The following NPHP4 variants were observed in gnomAD, a reference collection of about 807,000 sequenced individuals.
NPHP4 encodes the protein nephrocystin-4.
NPHP4 carries 151 observed loss-of-function variants against 155.8 expected under a neutral mutation model. The ratio of observed to expected loss-of-function variants is 0.97; its 90% CI spans 0.85 to 1.11. The LOEUF (loss-of-function observed/expected upper bound fraction) is 1.11, where lower values mean the gene tolerates loss of function less well. Ranked by LOEUF, NPHP4 falls within the 50% of genes least tolerant of loss-of-function variation. The pLI is 0.00. For synonymous variants in NPHP4, 845 were observed against 816.8 expected, an observed-to-expected ratio of 1.03 and a Z score of -0.59; for missense variants, 1,956 against 1,925.7, an observed-to-expected ratio of 1.02 and a Z score of -0.29.
chr1:5,942,587 C>CAAAAAAAAA (rs34438938), intron 9 of NPHP4, among the ~76,000 whole-genome samples: 1 of 82,782 alleles, frequency 1.2e-5, no homozygotes, highest in African/African-American at 4.8e-5. Flanking sequence ...TCATAAATGA[C>CAAAAAAAAA]AAAAAAAAAA....
chr1:5,931,241 A>G (rs1310496507), intron 10 of NPHP4, among the ~76,000 whole-genome samples: 2 of 152,126 alleles, frequency 1.3e-5, no homozygotes, highest in Non-Finnish European at 2.9e-5. Context: ...TGTTTACACT[A>G]TTTACACGTA....
chr1:5,887,010 G>A (rs1486774554), intron 18 of NPHP4: 3 of 429,756 alleles, frequency 7.0e-6, no homozygotes, highest in African/African-American at 4.0e-5. Flanking sequence ...CTGTCCCGGA[G>A]ATCCTCCAGG....
At chr1:5,916,759 C>T (rs1342869822) in intron 11 of NPHP4, among the ~76,000 whole-genome samples, 1 of 152,220 alleles carries the variant, frequency 6.6e-6, no homozygotes, top group African/African-American at 2.4e-5. Context: ...CCTGTAATCC[C>T]AGCATTCTGG....
chr1:5,877,288 C>T lies in NPHP4; in HGVS notation c.2622G>A (p.Val874=). The T allele has an allele frequency of 1.3e-6, 2 of 1,593,276 alleles. No individual in the cohort carries two copies. The highest frequency in any genetic ancestry group is 1.7e-6 in the Non-Finnish European group (2 of 1,164,208). ...LTTGSSRRKH[V]VQAQKLADVD... ...CGTCCGCCAGCTTCTGTGCTTGCAC[C>T]ACGTGTTTTCCTGCGAAAGGGTCAG... is the stretch of plus-strand genomic sequence containing the variant. Residue 874 remains valine, a synonymous_variant, in exon 20 of 30, where the codon GTG becomes GTA. Coordinates refer to ENST00000378156, the MANE Select transcript of NPHP4 (RefSeq NM_015102.5).
chr1:5,972,828 G>T (rs547926929), intron 3 of NPHP4, among the ~76,000 whole-genome samples: 1 of 151,910 alleles, frequency 6.6e-6, no homozygotes, highest in Non-Finnish European at 1.5e-5. Context: ...GTGAGATTAC[G>T]GTGCACCCAT....
At position 5,944,652 on chromosome 1, in the gene NPHP4, T is replaced by C. The variant is rs1250540678; in HGVS notation, c.1119+2452A>G. On this transcript the variant is annotated intron_variant, in intron 9 of 29. Coordinates refer to ENST00000378156, the MANE Select transcript of NPHP4 (RefSeq NM_015102.5). The surrounding 1 kb of genome is among the most constrained non-coding windows in gnomAD (Gnocchi z 4.3). Reference sequence around the variant, plus strand: ...TAAAGTGGAATCCAGTATTCCCAGTTACAATCGACCAGCACATCGGAAAGT... The same window carrying C: ...TAAAGTGGAATCCAGTATTCCCAGTCACAATCGACCAGCACATCGGAAAGT... 6.6e-6 allele frequency among the ~76,000 whole-genome samples: 1 copy of C among 152,186 alleles called. No individual in the cohort carries two copies. The highest frequency in any genetic ancestry group is 1.9e-4 in the East Asian group (1 of 5,196).
intron 23 of NPHP4, among the ~76,000 whole-genome samples, chr1:5,868,665 C>A (rs1641543654): frequency 6.6e-6 from 1 of 150,614 alleles, no homozygotes; most frequent in Non-Finnish European, 1.5e-5. Flanking sequence ...CATCCAGCCA[C>A]AAATGCACAC....
chr1:5,972,383 A>G (rs1652738303), intron 3 of NPHP4, among the ~76,000 whole-genome samples: 1 of 152,164 alleles, frequency 6.6e-6, no homozygotes, highest in African/African-American at 2.4e-5. Flanking sequence ...GCAAAGCATC[A>G]TGACAGGGAC....
rs577635238 is a variant in NPHP4, at chr1:5,887,342, G to A, written c.2429C>T (p.Pro810Leu). The stretch of plus-strand genomic sequence containing the variant: ...CTTCACCACCGAGTGGACGCCGATG[G>A]GCTTGACGCGGCCAAACCCCAGCAT... ...GDMLGFGRVK[P>L]IGVHSVVKGR... is the part of the protein sequence containing the mutation. The change falls in exon 18 of 30, where the codon CCC becomes CTC. Residue 810 changes from proline to leucine, a missense_variant. Transcript: ENST00000378156. 8.7e-6 allele frequency: 14 copies of A among 1,613,584 alleles called. No individual in the cohort carries two copies. Among genetic ancestry groups the A allele is most frequent in the Admixed American group, 1.7e-5 (1 of 60,024 alleles).
At chr1:5,984,755 C>G (rs574395121) in intron 2 of NPHP4, among the ~76,000 whole-genome samples, 2 of 152,240 alleles carry the variant, frequency 1.3e-5, no homozygotes, top group East Asian at 3.9e-4. Flanking sequence ...ACGTGCATTA[C>G]CTTTTCACAA....
At chr1:5,978,688 A>T (rs1310666972) in intron 2 of NPHP4, among the ~76,000 whole-genome samples, 3 of 152,116 alleles carry the variant, frequency 2.0e-5, no homozygotes, top group African/African-American at 7.2e-5. Context: ...AGAGGACATG[A>T]CCACAGGAGA....
chr1:5,863,423 A>G lies in NPHP4; in HGVS notation c.4141-18T>C, dbSNP rs751129036. 1 of 1,611,240 alleles carries G rather than the reference A, an allele frequency of 6.2e-7. No individual in the cohort carries two copies. The highest frequency in any genetic ancestry group is 8.5e-7 in the Non-Finnish European group (1 of 1,177,648). On this transcript the variant is annotated intron_variant, in intron 29 of 29. Transcript: ENST00000378156. ...CCCCCGACCTGGAAATAAGCATCCAAATCCCAGCATCCACCCCCGGGCTGT... is the reference window on the plus strand; with the variant it reads ...CCCCCGACCTGGAAATAAGCATCCAGATCCCAGCATCCACCCCCGGGCTGT...
At chr1:5,940,375 C>G (rs1197850228) in intron 9 of NPHP4, among the ~76,000 whole-genome samples, 3 of 152,132 alleles carry the variant, frequency 2.0e-5, no homozygotes, top group African/African-American at 7.2e-5. Flanking sequence ...CCTCCAGAAC[C>G]ATGCATGAGC....
intron 11 of NPHP4, among the ~76,000 whole-genome samples, chr1:5,920,622 C>T (rs1392830706): frequency 6.6e-6 from 1 of 152,322 alleles, no homozygotes; most frequent in South Asian, 2.1e-4. Context: ...CATATCTTTA[C>T]TCATTTCATC....
chr1:5,870,766 G>T (rs777957309), intron 23 of NPHP4, among the ~76,000 whole-genome samples: 1 of 152,312 alleles, frequency 6.6e-6, no homozygotes, highest in Non-Finnish European at 1.5e-5. Flanking sequence ...TGGAGGTCCT[G>T]CCCCAAGTGC....
rs188020560 is a variant in NPHP4, at chr1:5,947,109, C to T, written c.1114G>A (p.Gly372Ser). 404 of 1,613,950 alleles carry T rather than the reference C, an allele frequency of 2.5e-4. 1 individual carries two copies. The highest frequency in any genetic ancestry group is 4.7e-4 in the Admixed American group (28 of 60,026). The change falls in exon 9 of 30, where the codon GGC becomes AGC. Residue 372 changes from glycine (G) to serine (S), a missense_variant. Physicochemically the swap from Gly to Ser is moderately conservative, Grantham distance 56. Transcript: ENST00000378156. ...YVFSSPAGVD[G>S]NAASVTSLSN... ...TGCAAAAGGGCTGTTCTTACATTGC[C>T]GTCCACTCCTGCAGGGCTGCTGAAC...
chr1:5,933,411 G>A, intron 9 of NPHP4, 82 bp from the exon 10 acceptor site: 1 of 1,175,296 alleles, frequency 8.5e-7, no homozygotes, highest in Admixed American at 2.0e-5. Flanking sequence ...GCTTTCATGT[G>A]TAAAATTCAA....
intron 11 of NPHP4, among the ~76,000 whole-genome samples, chr1:5,915,126 G>A (rs902621362): frequency 6.6e-6 from 1 of 152,218 alleles, no homozygotes; most frequent in Non-Finnish European, 1.5e-5. Flanking sequence ...AGTCCTGAGG[G>A]AGGAGGGAGA....
chr1:5,880,346 A>C (rs1164961724), intron 18 of NPHP4, 107 bp from the exon 19 acceptor site: 21 of 1,119,610 alleles, frequency 1.9e-5, no homozygotes, highest in Middle Eastern at 4.0e-4. Context: ...GCCTATCTAC[A>C]CCCTGACACG....
Sources: gnomAD v4.1 joint callset for allele counts (sites outside exome capture counted in the v4.1 genomes callset) on GRCh38, gnomAD v4.1.1 for gene constraint, Gnocchi (gnomAD v3.1) non-coding constraint, MANE v1.5 for transcripts, NCBI Gene and HGNC (gene_info 2026-07-23, HGNC 2026-07-21) for gene names.